The following MACROD1 variants were observed in gnomAD, a reference collection of about 807,000 sequenced individuals.
MACROD1 encodes the protein ADP-ribose glycohydrolase MACROD1.
In MACROD1, 31 loss-of-function variants were observed where a neutral mutation model predicts 41.4. That is an observed-to-expected ratio of 0.75 (90% CI 0.56 to 1.01). The LOEUF (loss-of-function observed/expected upper bound fraction) is 1.01. Among genes scored for constraint, MACROD1 ranks in the 50% least tolerant of loss-of-function variants. The pLI is 0.00. For missense variants in MACROD1, 473 were observed against 460.0 expected (o/e 1.03, Z -0.26); for synonymous variants, 252 against 203.4 (o/e 1.24, Z -2.03).
chr11:64,158,308 G>C (rs1945700833), intron 1 of MACROD1, among the ~76,000 whole-genome samples: 1 of 152,260 alleles, frequency 6.6e-6, no homozygotes, highest in Admixed American at 6.5e-5. Context: ...AGAGCAGAGA[G>C]AGGAGACAGG....
intron 4 of MACROD1, chr11:64,001,651 A>C (rs1405400614): frequency 7.1e-6 from 5 of 700,452 alleles, no homozygotes; most frequent in Admixed American, 6.0e-5. Context: ...GTGGGCAGAG[A>C]GGTTAGGGGA....
At chr11:64,093,189 T>C (rs1944520400) in intron 3 of MACROD1, among the ~76,000 whole-genome samples, 3 of 152,222 alleles carry the variant, frequency 2.0e-5, no homozygotes, top group Non-Finnish European at 2.9e-5. Context: ...GTGTGAATAG[T>C]GTCTGCCTCG....
chr11:64,056,859 C>A (rs1354480018), intron 3 of MACROD1, among the ~76,000 whole-genome samples: 1 of 151,674 alleles, frequency 6.6e-6, no homozygotes, highest in Non-Finnish European at 1.5e-5. Flanking sequence ...CTTCTAAACT[C>A]ATCTACACTC....
chr11:64,091,408 C>T (rs949188344), intron 3 of MACROD1, among the ~76,000 whole-genome samples: 1 of 125,952 alleles, frequency 7.9e-6, no homozygotes, highest in Non-Finnish European at 1.6e-5. Flanking sequence ...GGTTGGGGGG[C>T]GGGTGGCACC....
intron 3 of MACROD1, among the ~76,000 whole-genome samples, chr11:64,059,834 G>T (rs1943863213): frequency 6.6e-6 from 1 of 152,152 alleles, no homozygotes; most frequent in Non-Finnish European, 1.5e-5. Flanking sequence ...CGAGAGGCCC[G>T]CCCCTAGGCG....
chr11:64,073,083 C>T (rs1944138430), intron 3 of MACROD1, among the ~76,000 whole-genome samples: 1 of 152,222 alleles, frequency 6.6e-6, no homozygotes, highest in Admixed American at 6.5e-5. Flanking sequence ...GTCCCTGCTC[C>T]AGGGTGCCCA....
chr11:64,153,043 C>G (rs1945607648), intron 1 of MACROD1, among the ~76,000 whole-genome samples: 1 of 152,164 alleles, frequency 6.6e-6, no homozygotes, highest in African/African-American at 2.4e-5. Context: ...CACCCTCACA[C>G]AGCAGGGACT....
chr11:64,130,710 C>G (rs11231704), intron 3 of MACROD1, among the ~76,000 whole-genome samples: 1 of 152,168 alleles, frequency 6.6e-6, no homozygotes, highest in East Asian at 1.9e-4. Flanking sequence ...GCTGCCTCCC[C>G]GCCGCCGCAC....
At chr11:64,010,338 GGTGTTGGTTGGA>G (rs1462117363) in intron 4 of MACROD1, among the ~76,000 whole-genome samples, 4 of 143,844 alleles carry the variant, frequency 2.8e-5, no homozygotes, top group Admixed American at 1.4e-4. Context: ...TGTTGGTTGG[GGTGTTGGTTGGA>G]GTGTTGGTTG....
Position 64,035,428 on chromosome 11 carries a change from G to A in MACROD1, c.518-20147C>T, listed in dbSNP as rs184669300. Among the ~76,000 whole-genome samples the A allele has an allele frequency of 2.6e-5, 4 of 152,258 alleles. No individual in the cohort carries two copies. The South Asian group carries it at 6.2e-4, about 24-fold the overall frequency. On this transcript the variant is annotated intron_variant, in intron 3 of 10. Transcript: ENST00000255681. ...GAATGAATGAATGGATGGCTGGAGG[G>A]ATGGTTGAATGAGTGGGTGCGGAGA...
chr11:64,025,711 C>G (rs562468355), intron 3 of MACROD1, among the ~76,000 whole-genome samples: 3 of 120,486 alleles, frequency 2.5e-5, no homozygotes, highest in Non-Finnish European at 3.9e-5. Context: ...CTCATGGGCC[C>G]CCCCCGCTCC....
In MACROD1 at chr11:63,999,768, G is replaced by A. The variant is rs769058023; in HGVS notation, c.665-5C>T. 6.9e-6 allele frequency: 11 copies of A among 1,602,768 alleles called. No individual in the cohort carries two copies. In the African/African-American group the frequency reaches 1.3e-4, roughly 19 times the overall value. ...GCCCCACTGTGTGGATGACGTCTACGGGGGGCGACGGGGTCAGACCGGCGG... is the reference window on the plus strand; with the variant it reads ...GCCCCACTGTGTGGATGACGTCTACAGGGGGCGACGGGGTCAGACCGGCGG... On this transcript the variant is annotated splice_region_variant and splice_polypyrimidine_tract_variant and intron_variant, in intron 5 of 10. Coordinates refer to ENST00000255681, the MANE Select transcript of MACROD1 (RefSeq NM_014067.4).
intron 3 of MACROD1, among the ~76,000 whole-genome samples, chr11:64,129,672 C>T (rs892201800): frequency 4.6e-5 from 7 of 152,190 alleles, no homozygotes; most frequent in East Asian, 1.9e-4. Context: ...GAGAGGCAAC[C>T]GTACAGGGTG....
chr11:64,055,067 A>G (rs969374816), intron 3 of MACROD1, among the ~76,000 whole-genome samples: 6 of 151,628 alleles, frequency 4.0e-5, no homozygotes, highest in Admixed American at 6.6e-5. Context: ...GCCTTCCTAG[A>G]TCCCCCCAGC....
rs1416537873 is a variant in MACROD1, at chr11:64,082,280, T to G, written c.518-66999A>C. Among the ~76,000 whole-genome samples, 1 of 151,422 alleles carries G rather than the reference T, an allele frequency of 6.6e-6. No homozygotes were observed. Among genetic ancestry groups the G allele is most frequent in the Non-Finnish European group, 1.5e-5 (1 of 67,848 alleles). ...GGCTGAGCCTGGGGGGTGGAGAAAA[T>G]CTTGCCTCCTGCTCTGAGCAGCCAG... On this transcript the variant is annotated intron_variant, in intron 3 of 10. Coordinates refer to ENST00000255681, the MANE Select transcript of MACROD1 (RefSeq NM_014067.4). The surrounding 1 kb of genome is among the most constrained non-coding windows in gnomAD (Gnocchi z 4.5).
Position 64,165,935 on chromosome 11 carries a change from C to A in MACROD1, c.60G>T (p.Leu20=). The change falls in exon 1 of 11, where the codon CTG becomes CTT. Residue 20 remains leucine (L), a synonymous_variant. Transcript: ENST00000255681. ...CGGGCCGGGGGCGCGGGGGGACGAG[C>A]AGCTGCCCCGCCGCGCGCAGCTGTG... The part of the protein sequence containing the change: ...RLAQLRAAGQ[L]LVPPRPRPGH... 1.5e-6 allele frequency: 2 copies of A among 1,322,562 alleles called. No homozygotes were observed. Among genetic ancestry groups the A allele is most frequent in the East Asian group, 3.1e-5 (1 of 32,374 alleles). 81.9% of individuals were successfully genotyped at this position (1,322,562 alleles called of 1,614,324 possible).
intron 4 of MACROD1, among the ~76,000 whole-genome samples, chr11:64,007,205 C>T (rs189118626): frequency 6.6e-6 from 1 of 152,194 alleles, no homozygotes; most frequent in African/African-American, 2.4e-5. Flanking sequence ...TCGGGGGCGA[C>T]GTGCCACGTG....
chr11:64,111,782 G>T (rs1042680599), intron 3 of MACROD1, among the ~76,000 whole-genome samples: 2 of 152,200 alleles, frequency 1.3e-5, no homozygotes, highest in Non-Finnish European at 2.9e-5. Flanking sequence ...CATGATCTGG[G>T]CCAGTGTCCT....
intron 1 of MACROD1, among the ~76,000 whole-genome samples, chr11:64,159,719 A>G (rs1945725024): frequency 6.7e-6 from 1 of 148,186 alleles, no homozygotes; most frequent in Non-Finnish European, 1.5e-5. Flanking sequence ...GCCTGAACCC[A>G]GGAGGCAGAG....
Sources: allele counts gnomAD v4.1 joint callset (sites outside exome capture counted in the v4.1 genomes callset), GRCh38; gene constraint gnomAD v4.1.1; non-coding constraint Gnocchi (gnomAD v3.1); transcripts MANE v1.5; gene names NCBI Gene and HGNC (gene_info 2026-07-23, HGNC 2026-07-21).